The following WDR37 variants were observed in gnomAD, a reference collection of about 807,000 sequenced individuals.
WDR37 encodes the protein WD repeat-containing protein 37.
Under a neutral mutation model 62.9 loss-of-function variants are expected in WDR37, and 19 were observed. The ratio of observed to expected loss-of-function variants is 0.30; its 90% CI spans 0.21 to 0.44. The LOEUF is 0.44. Ranked by LOEUF, WDR37 falls within the 20% of genes least tolerant of loss-of-function variation. The probability of loss-of-function intolerance (pLI) is 1.00; values close to 1 mark genes in which losing one functional copy is unlikely to be tolerated. For missense variants in WDR37, 474 were observed against 657.6 expected, an observed-to-expected ratio of 0.72 and a Z score of 3.05; for synonymous variants, 250 against 260.9, an observed-to-expected ratio of 0.96 and a Z score of 0.40.
chr10:1,125,925 C>T (rs988366769), intron 13 of WDR37, among the ~76,000 whole-genome samples: 11 of 152,324 alleles, frequency 7.2e-5, no homozygotes, highest in South Asian at 4.1e-4. Context: ...GCCTGGAAGG[C>T]GCAAAGAGAA....
chr10:1,089,341 CG>C (rs1172830372), intron 7 of WDR37, among the ~76,000 whole-genome samples: 1 of 152,134 alleles, frequency 6.6e-6, no homozygotes, highest in Non-Finnish European at 1.5e-5. Context: ...TGAGGGAGTG[CG>C]TCAGCTAGTG....
intron 4 of WDR37, 83 bp from the exon 5 acceptor site, chr10:1,080,329 T>A: frequency 6.4e-7 from 1 of 1,564,332 alleles, no homozygotes; most frequent in Non-Finnish European, 8.8e-7. Context: ...CCTTTCTTCC[T>A]GTGCAAGACA....
intron 8 of WDR37, among the ~76,000 whole-genome samples, chr10:1,094,026 G>T (rs1387095312): frequency 6.6e-6 from 1 of 152,170 alleles, no homozygotes; most frequent in African/African-American, 2.4e-5. Context: ...TTACAGTACT[G>T]AGGACTTTTC....
At chr10:1,120,942 A>G (rs1835558809) in intron 11 of WDR37, among the ~76,000 whole-genome samples, 1 of 152,250 alleles carries the variant, frequency 6.6e-6, no homozygotes, top group African/African-American at 2.4e-5. Flanking sequence ...AGGGAGCGGA[A>G]TGTTCCAGAC....
At chr10:1,101,803 G>A (rs759771150) in intron 9 of WDR37, among the ~76,000 whole-genome samples, 2 of 152,150 alleles carry the variant, frequency 1.3e-5, no homozygotes, top group African/African-American at 2.4e-5. Flanking sequence ...CCTCACATCC[G>A]ACTCACGTGC....
At chr10:1,078,215 AAAAT>A (rs1223248800) in intron 3 of WDR37, among the ~76,000 whole-genome samples, 1 of 152,152 alleles carries the variant, frequency 6.6e-6, no homozygotes, top group Non-Finnish European at 1.5e-5. Context: ...TAAATAAATA[AAAAT>A]AAAAAATAAA....
At chr10:1,113,815 C>G (rs1463664736) in intron 11 of WDR37, among the ~76,000 whole-genome samples, 2 of 152,106 alleles carry the variant, frequency 1.3e-5, no homozygotes, top group African/African-American at 2.4e-5. Flanking sequence ...GGAAGGTACT[C>G]TTGGTGAAGA....
intron 1 of WDR37, among the ~76,000 whole-genome samples, chr10:1,062,880 G>T (rs1265098170): frequency 6.6e-6 from 1 of 152,186 alleles, no homozygotes; most frequent in Non-Finnish European, 1.5e-5. Context: ...AAGGTCACAA[G>T]TTAGAGACCA....
chr10:1,126,323 G>T (rs902027229), intron 13 of WDR37, among the ~76,000 whole-genome samples: 86 of 143,664 alleles, frequency 6.0e-4, no homozygotes, highest in African/African-American at 2.2e-3. Context: ...GGAGAATGGC[G>T]TGAACCCAGG....
In WDR37 at chr10:1,129,671, T is replaced by TACG; in HGVS notation, c.*327_*328insACG. On this transcript the variant is annotated 3_prime_UTR_variant, in exon 14 of 14. Coordinates refer to ENST00000263150, the MANE Select transcript of WDR37 (RefSeq NM_014023.4). ...GGGCATTACATTTGTGTGAATTAAA[T>TACG]GTGAACTTCTGTATTACGTTGCGGC... The TACG allele has an allele frequency of 4.4e-5, 9 of 204,708 alleles. No individual in the cohort carries two copies. Among genetic ancestry groups the TACG allele is most frequent in the South Asian group, 3.7e-4 (4 of 10,760 alleles). The allele number at this position is 204,708 out of a possible 1,614,324, so 12.7% of individuals were successfully genotyped here.
intron 11 of WDR37, among the ~76,000 whole-genome samples, chr10:1,112,199 T>C (rs1475498960): frequency 6.6e-6 from 1 of 152,144 alleles, no homozygotes; most frequent in Non-Finnish European, 1.5e-5. Context: ...TGCCTCTCTC[T>C]CACATTTTGG....
At chr10:1,074,433 T>C in intron 2 of WDR37, 1 of 1,304,266 alleles carries the variant, frequency 7.7e-7, no homozygotes, top group Non-Finnish European at 1.0e-6. Flanking sequence ...GGCCTGTGTC[T>C]CCCACGCTCG....
At chr10:1,079,882 A>G in intron 3 of WDR37, 129 bp from the exon 4 acceptor site, 1 of 688,912 alleles carries the variant, frequency 1.5e-6, no homozygotes, top group Non-Finnish European at 2.4e-6. Flanking sequence ...GCTTATTAGA[A>G]TATTATTCAT....
intron 5 of WDR37, among the ~76,000 whole-genome samples, chr10:1,082,794 TC>T (rs1329876520): frequency 7.0e-6 from 1 of 142,376 alleles, no homozygotes; most frequent in African/African-American, 2.9e-5. Flanking sequence ...GCAGCACAGC[TC>T]CAGCAGCAGT....
At position 1,061,534 on chromosome 10, in the gene WDR37, G is replaced by A. The variant is rs375875484; in HGVS notation, c.-41+4566G>A. ...ACATAGTTTATTCAGGATCCCCTAGGGCAAAATAAAATTACCTTCAGGAGG... is the reference window on the plus strand; with the variant it reads ...ACATAGTTTATTCAGGATCCCCTAGAGCAAAATAAAATTACCTTCAGGAGG... On this transcript the variant is annotated intron_variant, in intron 1 of 13. Coordinates refer to ENST00000263150, the MANE Select transcript of WDR37 (RefSeq NM_014023.4). Among the ~76,000 whole-genome samples the A allele has an allele frequency of 3.3e-5, 5 of 152,252 alleles. No individual in the cohort carries two copies. In the East Asian group the frequency reaches 7.7e-4, roughly 23 times the overall value.
intron 11 of WDR37, among the ~76,000 whole-genome samples, chr10:1,120,496 CAG>C (rs1835543284): frequency 6.6e-6 from 1 of 152,196 alleles, no homozygotes; most frequent in African/African-American, 2.4e-5. Flanking sequence ...AGCGCTGTAA[CAG>C]AACAGTTGAC....
chr10:1,061,735 A>G (rs1833377769), intron 1 of WDR37, among the ~76,000 whole-genome samples: 1 of 151,804 alleles, frequency 6.6e-6, no homozygotes, highest in Admixed American at 6.6e-5. Context: ...GCTACTTGGG[A>G]GGCTGAGGCA....
intron 7 of WDR37, among the ~76,000 whole-genome samples, chr10:1,092,624 C>G (rs1342621932): frequency 2.0e-5 from 3 of 151,786 alleles, no homozygotes; most frequent in Non-Finnish European, 4.4e-5. Context: ...TCCCAAAGTG[C>G]TGGTATTACA....
intron 9 of WDR37, among the ~76,000 whole-genome samples, chr10:1,101,364 T>C (rs1012568343): frequency 1.3e-5 from 2 of 152,244 alleles, no homozygotes; most frequent in Non-Finnish European, 2.9e-5. Flanking sequence ...CGTCTTCTCC[T>C]GGATCCTTCA....
Sources: allele counts gnomAD v4.1 joint callset (sites outside exome capture counted in the v4.1 genomes callset), GRCh38; gene constraint gnomAD v4.1.1; transcripts MANE v1.5; gene names NCBI Gene and HGNC (gene_info 2026-07-23, HGNC 2026-07-21).